The following CALB1 variants were observed in gnomAD, a reference collection of about 807,000 sequenced individuals.
The protein encoded by CALB1 is calbindin 1.
In CALB1, 16 loss-of-function variants were observed where a neutral mutation model predicts 46.7. That is an observed-to-expected ratio of 0.34 (90% CI 0.23 to 0.52). CALB1 has a LOEUF of 0.52. CALB1 is among the 20% of genes least tolerant of loss of function. The pLI is 0.95. For missense variants in CALB1, 224 were observed against 300.3 expected, an observed-to-expected ratio of 0.75 and a Z score of 1.88; for synonymous variants, 90 against 112.8, an observed-to-expected ratio of 0.80 and a Z score of 1.28.
intron 2 of CALB1, among the ~76,000 whole-genome samples, chr8:90,079,011 T>C (rs976238820): frequency 5.9e-5 from 9 of 152,000 alleles, no homozygotes; most frequent in South Asian, 2.1e-4. Flanking sequence ...TTAAATAGAT[T>C]AGAGAGCTAT....
chr8:90,067,335 A>C (rs193126626), intron 5 of CALB1, among the ~76,000 whole-genome samples: 6 of 152,256 alleles, frequency 3.9e-5, no homozygotes, highest in Non-Finnish European at 7.4e-5. Context: ...TCTATTTAGA[A>C]TCTCTTTCTG....
At position 90,063,270 on chromosome 8, in the gene CALB1, A is replaced by C; in HGVS notation, c.546+11T>G. 1 of 1,590,506 alleles carries C rather than the reference A, an allele frequency of 6.3e-7. No homozygotes were observed. On this transcript the variant is annotated intron_variant, in intron 8 of 10. Coordinates refer to ENST00000265431, the MANE Select transcript of CALB1 (RefSeq NM_004929.4). ...GGAAAATATTATTTAAGGTAGTAAA[A>C]AGTTAAGTACCTGGAATTTAAGAAG...
At chr8:90,081,126 C>A (rs979334645) in intron 2 of CALB1, among the ~76,000 whole-genome samples, 1 of 152,100 alleles carries the variant, frequency 6.6e-6, no homozygotes, top group African/African-American at 2.4e-5. Flanking sequence ...ATGCTGACAA[C>A]ATATTTTCTT....
chr8:90,081,938 T>A, intron 2 of CALB1, 88 bp downstream of exon 2: 2 of 1,200,818 alleles, frequency 1.7e-6, no homozygotes, highest in African/African-American at 1.5e-5. Flanking sequence ...AGAAAGCGCT[T>A]TACGCTACTG....
intron 6 of CALB1, chr8:90,064,118 T>C (rs573289970): frequency 4.6e-5 from 7 of 151,948 alleles, no homozygotes; most frequent in Admixed American, 1.3e-4. Flanking sequence ...ACATTAAATA[T>C]ATAAAATGTG....
In CALB1 at chr8:90,069,226, T is replaced by C. The variant is rs1814455451; in HGVS notation, c.243A>G (p.Val81=). The change falls in exon 4 of 11, where the codon GTA becomes GTG. Residue 81 remains valine (V), a synonymous_variant. Transcript: ENST00000265431. ...GCAGGAAATTCTCTTCTGTGGGTAATACGTGAGCCAACTGGAAAAGATTTA... is the reference window on the plus strand; with the variant it reads ...GCAGGAAATTCTCTTCTGTGGGTAACACGTGAGCCAACTGGAAAAGATTTA... ...GKIGIVELAH[V]LPTEENFLLL... 2.5e-6 allele frequency: 4 copies of C among 1,613,538 alleles called. No homozygotes were observed. The highest frequency in any genetic ancestry group is 3.4e-6 in the Non-Finnish European group (4 of 1,179,528).
Position 90,069,083 on chromosome 8 carries a change from A to G in CALB1, c.316-29T>C, listed in dbSNP as rs780378406. On this transcript the variant is annotated intron_variant, in intron 4 of 10. Coordinates refer to ENST00000265431, the MANE Select transcript of CALB1 (RefSeq NM_004929.4). ...TAAGTAATTTTGGATAAGGAAAACA[A>G]ACACATTTTTAATAAAAGGAACAAT... 14 of 1,611,650 alleles carry G rather than the reference A, an allele frequency of 8.7e-6. No homozygotes were observed. The African/African-American group carries it at 1.7e-4, about 20-fold the overall frequency.
At chr8:90,074,206 G>C (rs772438833) in intron 3 of CALB1, among the ~76,000 whole-genome samples, 3 of 152,156 alleles carry the variant, frequency 2.0e-5, no homozygotes, top group Non-Finnish European at 4.4e-5. Flanking sequence ...CGATTTTGTA[G>C]TAAGTTATTT....
chr8:90,063,187 T>G (rs1814334142), intron 8 of CALB1, 34 bp from the exon 9 acceptor site: 1 of 1,557,006 alleles, frequency 6.4e-7, no homozygotes. Context: ...TGTTAAAATG[T>G]TATTACTATG....
chr8:90,061,847 A>T (rs1055379509), intron 9 of CALB1: 8 of 152,084 alleles, frequency 5.3e-5, no homozygotes, highest in African/African-American at 1.9e-4. Flanking sequence ...TTATAGAAAT[A>T]AAAAAACCCT....
chr8:90,081,644 C>T, intron 2 of CALB1: 1 of 166,708 alleles, frequency 6.0e-6, no homozygotes, highest in Non-Finnish European at 1.2e-5. Context: ...TCTCATGCAC[C>T]CACAGTTCCC....
At chr8:90,075,961 G>T (rs1814616542) in intron 3 of CALB1, among the ~76,000 whole-genome samples, 1 of 152,000 alleles carries the variant, frequency 6.6e-6, no homozygotes, top group Admixed American at 6.6e-5. Context: ...ATGGGACCTT[G>T]GATACATCAT....
chr8:90,072,946 C>G (rs1053163858), intron 3 of CALB1, among the ~76,000 whole-genome samples: 2 of 151,920 alleles, frequency 1.3e-5, no homozygotes, highest in Admixed American at 6.6e-5. Flanking sequence ...TAAGTAGAAT[C>G]CCTCAGAGCT....
chr8:90,060,261 G>C lies in CALB1; in HGVS notation c.698C>G (p.Thr233Arg). The C allele has an allele frequency of 6.2e-7, 1 of 1,605,674 alleles. No individual in the cohort carries two copies. The highest frequency in any genetic ancestry group is 1.1e-5 in the South Asian group (1 of 90,936). Reference protein sequence around the residue: ...KQDLDINNITTYKKNIMALSD... With the variant: ...KQDLDINNITRYKKNIMALSD... ...CAAAGCCATTATGTTCTTCTTGTAT[G>C]TTGTAATATTATTAATATCCAGATC... The change falls in exon 11 of 11, where the codon ACA becomes AGA. Residue 233 changes from threonine to arginine, a missense_variant. Coordinates refer to ENST00000265431, the MANE Select transcript of CALB1 (RefSeq NM_004929.4).
At chr8:90,077,927 C>T (rs1397263668) in intron 3 of CALB1, among the ~76,000 whole-genome samples, 1 of 152,036 alleles carries the variant, frequency 6.6e-6, no homozygotes, top group African/African-American at 2.4e-5. Flanking sequence ...TTCACAGGGA[C>T]TGCAAACATT....
chr8:90,068,390 A>AT (rs1209855589), intron 5 of CALB1, among the ~76,000 whole-genome samples: 1 of 152,112 alleles, frequency 6.6e-6, no homozygotes, highest in Non-Finnish European at 1.5e-5. Context: ...ATTTTAGAAG[A>AT]TTTTTTATTT....
intron 6 of CALB1, among the ~76,000 whole-genome samples, chr8:90,064,876 G>A (rs1814363416): frequency 6.6e-6 from 1 of 151,782 alleles, no homozygotes; most frequent in Non-Finnish European, 1.5e-5. Context: ...AGTTCTAGTA[G>A]TTCCCCCTCC....
rs1437140893 is a variant in CALB1, at chr8:90,082,803, G to A, written c.-106C>T. 2 of 1,105,894 alleles carry A rather than the reference G, an allele frequency of 1.8e-6. No homozygotes were observed. The highest frequency in any genetic ancestry group is 2.4e-5 in the East Asian group (1 of 42,218). The allele number at this position is 1,105,894 out of a possible 1,614,324, so 68.5% of individuals were successfully genotyped here. A position where few individuals can be genotyped will look rare whatever the true frequency, so the allele number is the denominator to read the frequency against. ...GTGTGCGCGAGTCAGGGCTGCGGAG[G>A]GAGACCTGGGCGCGGGCGCTGCCGG... On this transcript the variant is annotated 5_prime_UTR_variant, in exon 1 of 11. Coordinates refer to ENST00000265431, the MANE Select transcript of CALB1 (RefSeq NM_004929.4).
chr8:90,072,341 T>C (rs1267529211), intron 3 of CALB1, among the ~76,000 whole-genome samples: 1 of 152,192 alleles, frequency 6.6e-6, no homozygotes. Context: ...CTACTATAAA[T>C]GTGTATTTCT....
Sources: allele counts gnomAD v4.1 joint callset (sites outside exome capture counted in the v4.1 genomes callset), GRCh38; gene constraint gnomAD v4.1.1; transcripts MANE v1.5; gene names NCBI Gene and HGNC (gene_info 2026-07-23, HGNC 2026-07-21).